KLHL2: variants seen among roughly 807,000 people sequenced by gnomAD.
KLHL2 encodes kelch-like protein 2.
In KLHL2, 15 loss-of-function variants were observed where a neutral mutation model predicts 75.8. That is an observed-to-expected ratio of 0.20 (90% CI 0.13 to 0.30). The LOEUF (loss-of-function observed/expected upper bound fraction) is 0.30. Among genes scored for constraint, KLHL2 ranks in the 10% least tolerant of loss-of-function variants. The pLI is 1.00. For synonymous variants in KLHL2, 214 were observed against 251.9 expected (o/e 0.85, Z 1.42); for missense variants, 381 against 741.0 (o/e 0.51, Z 5.64).
intron 10 of KLHL2, 92 bp from the exon 11 acceptor site, chr4:165,311,372 C>A: frequency 1.2e-6 from 1 of 803,160 alleles, no homozygotes. Flanking sequence ...TTAATTTTAG[C>A]CCAGTATAAC....
chr4:165,215,986 G>A (rs2110961551), intron 1 of KLHL2, among the ~76,000 whole-genome samples: 1 of 152,090 alleles, frequency 6.6e-6, no homozygotes, highest in East Asian at 1.9e-4. Context: ...TTGCTTGGGT[G>A]ATTCTGATCT....
intron 4 of KLHL2, among the ~76,000 whole-genome samples, chr4:165,239,367 G>A (rs963103906): frequency 6.6e-6 from 1 of 151,506 alleles, no homozygotes; most frequent in Non-Finnish European, 1.5e-5. Flanking sequence ...GGCTCAAGGA[G>A]TCCTCCCGCT....
chr4:165,229,193 G>T (rs947881321), intron 3 of KLHL2, among the ~76,000 whole-genome samples: 1 of 151,880 alleles, frequency 6.6e-6, no homozygotes, highest in Non-Finnish European at 1.5e-5. Context: ...TAGCTTTTTG[G>T]CACTTTATTA....
chr4:165,276,904 C>G (rs2126382675), intron 5 of KLHL2, among the ~76,000 whole-genome samples: 1 of 151,632 alleles, frequency 6.6e-6, no homozygotes, highest in East Asian at 1.9e-4. Flanking sequence ...TGTTTGAAAA[C>G]AGTATTTACT....
intron 5 of KLHL2, among the ~76,000 whole-genome samples, chr4:165,290,505 A>G (rs1424451968): frequency 1.3e-5 from 2 of 152,208 alleles, no homozygotes; most frequent in Admixed American, 6.5e-5. Context: ...TTCAGTCTTT[A>G]AAAAACAAAC....
chr4:165,261,764 G>C (rs1392090601), intron 4 of KLHL2, among the ~76,000 whole-genome samples: 2 of 152,232 alleles, frequency 1.3e-5, no homozygotes, highest in Non-Finnish European at 2.9e-5. Flanking sequence ...GTTTGTTACA[G>C]AGAGATGTGA....
rs977890546 is a variant in KLHL2 at position 165,291,853 on chromosome 4, A to G, written c.545-2506A>G. ...TTTTAATTTTTTTTTTTAAAGAGACAAGCCGTTACCCAGTTGCCCAGGCTG... is the reference window on the plus strand; with the variant it reads ...TTTTAATTTTTTTTTTTAAAGAGACGAGCCGTTACCCAGTTGCCCAGGCTG... On this transcript the variant is annotated intron_variant, in intron 5 of 14. Transcript: ENST00000226725. 2.6e-5 allele frequency among the ~76,000 whole-genome samples: 4 copies of G among 152,064 alleles called. No homozygotes were observed. The South Asian group carries it at 8.3e-4, about 32-fold the overall frequency.
intron 9 of KLHL2, 54 bp from the exon 10 acceptor site, chr4:165,310,499 A>G: frequency 2.1e-6 from 3 of 1,405,682 alleles, no homozygotes; most frequent in South Asian, 2.3e-5. Context: ...ATCTTTGGAT[A>G]TTGGTGGTAG....
At chr4:165,276,737 CAATT>C (rs1230228177) in intron 5 of KLHL2, among the ~76,000 whole-genome samples, 3 of 152,096 alleles carry the variant, frequency 2.0e-5, no homozygotes, top group Non-Finnish European at 4.4e-5. Context: ...TTCTTATTCA[CAATT>C]GATAACATTT....
At chr4:165,314,251 G>A in intron 13 of KLHL2, 85 bp downstream of exon 13, 1 of 1,255,090 alleles carries the variant, frequency 8.0e-7, no homozygotes, top group East Asian at 2.4e-5. Flanking sequence ...AATATCAATG[G>A]TATTTCCATT....
intron 3 of KLHL2, 59 bp downstream of exon 3, chr4:165,228,972 T>A (rs1422494362): frequency 2.1e-6 from 2 of 974,894 alleles, no homozygotes; most frequent in Non-Finnish European, 3.1e-6. Context: ...GTGCTTTTCT[T>A]ACCACATTTT....
In KLHL2 at chr4:165,249,488, A is replaced by G. The variant is rs115300402; in HGVS notation, c.381+10589A>G. On this transcript the variant is annotated intron_variant, in intron 4 of 14. Transcript: ENST00000226725. ...GGAATTTACTTCAAAGTGGTAATGG[A>G]AAGTCTTACCAAACTGGCATCCCAC... 3.8e-3 allele frequency among the ~76,000 whole-genome samples: 578 copies of G among 152,288 alleles called. 2 individuals are homozygous for G. The highest frequency in any genetic ancestry group is 0.013 in the African/African-American group (547 of 41,562).
At chr4:165,291,839 T>G (rs1450421890) in intron 5 of KLHL2, among the ~76,000 whole-genome samples, 1 of 152,072 alleles carries the variant, frequency 6.6e-6, no homozygotes, top group Admixed American at 6.6e-5. Context: ...TTTAATTTTT[T>G]TTTTTAAAGA....
intron 2 of KLHL2, among the ~76,000 whole-genome samples, chr4:165,223,104 G>A (rs946816669): frequency 6.6e-6 from 1 of 152,238 alleles, no homozygotes; most frequent in African/African-American, 2.4e-5. Context: ...GAGGCCCAGA[G>A]ACCTAGCTTT....
chr4:165,321,483 A>G (rs2126599823), intron 14 of KLHL2: 1 of 318,438 alleles, frequency 3.1e-6, no homozygotes, highest in South Asian at 2.5e-5. Flanking sequence ...CATACATAAC[A>G]TATATTACAT....
rs766156171 is a variant in KLHL2, at chr4:165,314,022, A to G, written c.1469-4A>G. The stretch of plus-strand genomic sequence containing the variant: ...CCCTCTATTTGGCTGGTTGTGTTTT[A>G]TAGGTGTTGGTGTGTTAAACAATTT... On this transcript the variant is annotated splice_polypyrimidine_tract_variant and splice_region_variant and intron_variant, in intron 12 of 14. Transcript: ENST00000226725. The G allele has an allele frequency of 6.2e-6, 10 of 1,609,584 alleles. No individual in the cohort carries two copies. The East Asian group carries it at 1.3e-4, about 22-fold the overall frequency.
Position 165,207,826 on chromosome 4 carries a change from T to G in KLHL2, c.-51T>G. 1.4e-6 allele frequency: 2 copies of G among 1,429,442 alleles called. No individual in the cohort carries two copies. Among genetic ancestry groups the G allele is most frequent in the Non-Finnish European group, 1.8e-6 (2 of 1,081,350 alleles). The allele number at this position is 1,429,442 out of a possible 1,614,324, so 88.5% of individuals were successfully genotyped here. ...GTGCCGGCGTCCGCGGCTGGAATGGTGCTGGCTGTGTTGGTCGGTGCCTGC... is the reference window on the plus strand; with the variant it reads ...GTGCCGGCGTCCGCGGCTGGAATGGGGCTGGCTGTGTTGGTCGGTGCCTGC... On this transcript the variant is annotated 5_prime_UTR_variant, in exon 1 of 15. Coordinates refer to ENST00000226725, the MANE Select transcript of KLHL2 (RefSeq NM_007246.4). The surrounding 1 kb of genome is among the most constrained non-coding windows in gnomAD (Gnocchi z 4.2).
intron 4 of KLHL2, among the ~76,000 whole-genome samples, chr4:165,242,165 A>G (rs550517479): frequency 1.3e-5 from 2 of 152,270 alleles, no homozygotes; most frequent in East Asian, 3.9e-4. Flanking sequence ...CTACACTTGT[A>G]ATTCAACTTT....
chr4:165,312,428 T>TTA (rs34081538), intron 11 of KLHL2, among the ~76,000 whole-genome samples: 8,502 of 76,012 alleles, frequency 0.11, 513 homozygotes, highest in African/African-American at 0.29. Flanking sequence ...ATTATTATTA[T>TTA]TTTTTTTTAA....
Sources: allele counts gnomAD v4.1 joint callset (sites outside exome capture counted in the v4.1 genomes callset), GRCh38; gene constraint gnomAD v4.1.1; non-coding constraint Gnocchi (gnomAD v3.1); transcripts MANE v1.5; gene names NCBI Gene and HGNC (gene_info 2026-07-23, HGNC 2026-07-21).